Variants in MRTFB observed in about 807,000 individuals in gnomAD.
MRTFB encodes myocardin related transcription factor B.
Under a neutral mutation model 104.2 loss-of-function variants are expected in MRTFB, and 29 were observed. That is an observed-to-expected ratio of 0.28 (90% CI 0.21 to 0.38). MRTFB has a LOEUF of 0.38. Ranked by LOEUF, MRTFB falls within the 10% of genes least tolerant of loss-of-function variation. MRTFB has a pLI of 1.00. For missense variants in MRTFB, 1,270 were observed against 1,341.6 expected (o/e 0.95, Z 0.83); for synonymous variants, 535 against 519.5 (o/e 1.03, Z -0.41).
chr16:14,099,557 G>A (rs2035582554), intron 2 of MRTFB, among the ~76,000 whole-genome samples: 1 of 151,036 alleles, frequency 6.6e-6, no homozygotes, highest in African/African-American at 2.4e-5. Flanking sequence ...TAGAGACAGG[G>A]TTTCACCCTG....
At chr16:14,087,415 G>A (rs1199125936) in intron 2 of MRTFB, among the ~76,000 whole-genome samples, 1 of 152,178 alleles carries the variant, frequency 6.6e-6, no homozygotes, top group Non-Finnish European at 1.5e-5. Flanking sequence ...TTTATCTTGA[G>A]TTGAGGAGAG....
chr16:14,166,791 G>A (rs990839272), intron 3 of MRTFB, among the ~76,000 whole-genome samples: 1 of 151,990 alleles, frequency 6.6e-6, no homozygotes, highest in Non-Finnish European at 1.5e-5. Context: ...TTAGTTTGCT[G>A]AGGATCACAG....
the MRTFB span, among the ~76,000 whole-genome samples, chr16:14,039,152 A>G: frequency 2.6e-5 from 4 of 152,180 alleles, no homozygotes; most frequent in Non-Finnish European, 2.9e-5. Context: ...AGTGATCTAA[A>G]GGCTTGTCTG....
At chr16:14,086,826 T>C (rs2034730980) in intron 2 of MRTFB, among the ~76,000 whole-genome samples, 1 of 152,220 alleles carries the variant, frequency 6.6e-6, no homozygotes, top group African/African-American at 2.4e-5. Flanking sequence ...TTATTTATCC[T>C]CTTAGCTGCA....
At chr16:14,210,837 G>A (rs2041161395) in intron 4 of MRTFB, among the ~76,000 whole-genome samples, 1 of 152,080 alleles carries the variant, frequency 6.6e-6, no homozygotes, top group Non-Finnish European at 1.5e-5. Context: ...TCTATCCCTA[G>A]GGTTTGTTCC....
At chr16:14,157,262 C>T (rs768848433) in intron 3 of MRTFB, among the ~76,000 whole-genome samples, 35 of 152,132 alleles carry the variant, frequency 2.3e-4, no homozygotes, top group Non-Finnish European at 4.0e-4. Flanking sequence ...CATAGATTCT[C>T]ATTCTTTATT....
chr16:14,046,765 G>T, the MRTFB span, among the ~76,000 whole-genome samples: 5 of 152,200 alleles, frequency 3.3e-5, no homozygotes, highest in Non-Finnish European at 7.3e-5. Flanking sequence ...GGAAGCCAGA[G>T]AACACGGCTG....
At chr16:14,036,296 T>TTATATATATATATATATATATATATA in the MRTFB span, among the ~76,000 whole-genome samples, 674 of 98,170 alleles carry the variant, frequency 6.9e-3, 20 homozygotes, top group Non-Finnish European at 0.01. Context: ...TTATATATAT[T>TTATATATATATATATATATATATATA]TATATATATA....
the MRTFB span, among the ~76,000 whole-genome samples, chr16:14,044,481 A>T: frequency 6.6e-6 from 1 of 152,346 alleles, no homozygotes; most frequent in African/African-American, 2.4e-5. Flanking sequence ...TGAGGCTCAG[A>T]GAAGGTAGGT....
the MRTFB span, chr16:14,021,080 TG>T: frequency 1.1e-3 from 162 of 152,386 alleles, 1 homozygote; most frequent in African/African-American, 3.8e-3. Flanking sequence ...GCTATTCACT[TG>T]TAGTGCAGTG....
chr16:14,218,167 C>T (rs898403658), intron 7 of MRTFB, among the ~76,000 whole-genome samples: 5 of 152,170 alleles, frequency 3.3e-5, no homozygotes, highest in African/African-American at 1.2e-4. Context: ...TCATGCCATT[C>T]TCCTGCCTCA....
chr16:14,151,391 C>G (rs1394361572), intron 3 of MRTFB: 1 of 152,104 alleles, frequency 6.6e-6, no homozygotes, highest in East Asian at 1.9e-4. Flanking sequence ...TCACACATCT[C>G]CAAAAAATTT....
At chr16:14,202,795 G>T (rs2040766767) in intron 3 of MRTFB, among the ~76,000 whole-genome samples, 1 of 152,144 alleles carries the variant, frequency 6.6e-6, no homozygotes, top group Non-Finnish European at 1.5e-5. Context: ...CCACCACACT[G>T]CTATCTGATC....
At chr16:14,030,732 A>G in the MRTFB span, among the ~76,000 whole-genome samples, 2 of 152,204 alleles carry the variant, frequency 1.3e-5, no homozygotes, top group Non-Finnish European at 2.9e-5. Flanking sequence ...AGCCGATCCA[A>G]TCAGGCAGCC....
intron 2 of MRTFB, among the ~76,000 whole-genome samples, chr16:14,123,045 TGAC>T (rs1338016949): frequency 8.5e-5 from 13 of 152,388 alleles, no homozygotes; most frequent in African/African-American, 3.1e-4. Flanking sequence ...TGACCAGTGA[TGAC>T]GAGCATTTTT....
intron 3 of MRTFB, among the ~76,000 whole-genome samples, chr16:14,204,139 A>AT (rs2040839423): frequency 1.3e-5 from 2 of 151,468 alleles, no homozygotes; most frequent in South Asian, 4.2e-4. Context: ...AATTTTTTTT[A>AT]TTTTTTATTT....
chr16:14,247,040 C>T lies in MRTFB; in HGVS notation c.1780C>T (p.Leu594Phe). Reference sequence around the variant, plus strand: ...GAGGAAACTGGAACAAGAGCAGAAGCTCGTGGAAGTGCTGAAAATGCAACT... The same window carrying T: ...GAGGAAACTGGAACAAGAGCAGAAGTTCGTGGAAGTGCTGAAAATGCAACT... ...LKRKLEQEQK[L>F]VEVLKMQLEV... The change falls in exon 12 of 17, where the codon CTC becomes TTC. Residue 594 changes from leucine (L) to phenylalanine (F), a missense_variant. Leu to Phe is a conservative substitution (Grantham distance 22). Transcript: ENST00000571589. 6.2e-7 allele frequency: 1 copy of T among 1,614,194 alleles called. No individual in the cohort carries two copies. Among genetic ancestry groups the T allele is most frequent in the Middle Eastern group, 1.7e-4 (1 of 6,060 alleles).
At chr16:14,043,066 CTGGAGACTGT>C in the MRTFB span, among the ~76,000 whole-genome samples, 1 of 152,184 alleles carries the variant, frequency 6.6e-6, no homozygotes, top group African/African-American at 2.4e-5. Flanking sequence ...TGGGAGACTT[CTGGAGACTGT>C]GGGGCTCCTT....
At chr16:14,218,389 C>T (rs938586934) in intron 7 of MRTFB, among the ~76,000 whole-genome samples, 2 of 152,146 alleles carry the variant, frequency 1.3e-5, no homozygotes, top group African/African-American at 2.4e-5. Context: ...GTTGGATTTC[C>T]TGTCAGGATC....
Sources: allele counts gnomAD v4.1 joint callset (sites outside exome capture counted in the v4.1 genomes callset), GRCh38; gene constraint gnomAD v4.1.1; transcripts MANE v1.5; gene names NCBI Gene and HGNC (gene_info 2026-07-23, HGNC 2026-07-21).